PCDH11X: variants seen among roughly 807,000 people sequenced by gnomAD.
The protein encoded by PCDH11X is protocadherin 11 X-linked, also known as protocadherin-11 X-linked.
PCDH11X carries 18 observed loss-of-function variants against 53.3 expected under a neutral mutation model. The ratio of observed to expected loss-of-function variants is 0.34; its 90% confidence interval spans 0.23 to 0.50. The LOEUF is 0.50. Among genes scored for constraint, PCDH11X ranks in the 20% least tolerant of loss-of-function variants. The probability of loss-of-function intolerance (pLI) is 0.98; values close to 1 mark genes in which losing one functional copy is unlikely to be tolerated. For missense variants in PCDH11X, 570 were observed against 1,032.4 expected (o/e 0.55, Z 6.14); for synonymous variants, 279 against 393.3 (o/e 0.71, Z 3.44).
intron 8 of PCDH11X, among the ~76,000 whole-genome samples, chrX:92,304,741 T>C (rs1049766638): frequency 1.8e-5 from 2 of 112,230 alleles, no homozygotes; most frequent in African/African-American, 6.5e-5. Context: ...TTCTAAACTC[T>C]TTCTAGCCTA....
intron 6 of PCDH11X, among the ~76,000 whole-genome samples, chrX:92,026,317 C>A (rs1439152760): frequency 9.2e-6 from 1 of 109,226 alleles, no homozygotes; most frequent in Non-Finnish European, 1.9e-5. Flanking sequence ...TTATGTAATG[C>A]CTATTGCTGC....
In PCDH11X at chrX:92,618,937, G is replaced by A; in HGVS notation, c.4041G>A (p.Leu1347=). The change falls in exon 11 of 11, where the codon TTG becomes TTA. Residue 1347 remains leucine (L), a synonymous_variant. Transcript: ENST00000682573. ...CCCCCATTATGGAAGAACATCCCTT[G>A]TAAAGCTAAAATAGTTACTTCAAAT... is the stretch of plus-strand genomic sequence containing the variant. ...GDSPIMEEHP[L] is the part of the protein sequence containing the mutation. 3.3e-6 allele frequency: 4 copies of A among 1,211,539 alleles called. No homozygotes were observed. Among genetic ancestry groups the A allele is most frequent in the East Asian group, 3.0e-5 (1 of 33,835 alleles).
intron 6 of PCDH11X, among the ~76,000 whole-genome samples, chrX:92,082,336 C>T (rs992608933): frequency 4.6e-5 from 5 of 107,681 alleles, no homozygotes; most frequent in Admixed American, 1.0e-4. Context: ...AGAAGGCTAC[C>T]ATATTTCTTT....
chrX:92,474,378 A>G (rs1031922093), intron 10 of PCDH11X, among the ~76,000 whole-genome samples: 4 of 109,287 alleles, frequency 3.7e-5, no homozygotes, highest in African/African-American at 1.0e-4. Context: ...AATAGATTAT[A>G]TAGTTTTTTT....
In PCDH11X at chrX:92,307,700, T is replaced by C. The variant is rs770496572; in HGVS notation, c.3144+44557T>C. Among the ~76,000 whole-genome samples, 126 of 103,924 alleles carry C rather than the reference T, an allele frequency of 1.2e-3. 1 individual carries two copies. The highest frequency in any genetic ancestry group is 4.1e-3 in the African/African-American group (119 of 28,800). The allele number at this position is 103,924 out of a possible 115,157, so 90.2% of individuals were successfully genotyped here. A position where few individuals can be genotyped will look rare whatever the true frequency, so the allele number is the denominator to read the frequency against. ...TTAGAACTAAAAATGTGTTAAATCA[T>C]TTTCTCCATTTGCATGAAGGTCTCA... is the stretch of plus-strand genomic sequence containing the variant. On this transcript the variant is annotated intron_variant, in intron 8 of 10. Transcript: ENST00000682573.
chrX:92,285,468 G>A (rs1193407075), intron 8 of PCDH11X, among the ~76,000 whole-genome samples: 2 of 109,565 alleles, frequency 1.8e-5, no homozygotes, highest in Non-Finnish European at 3.8e-5. Context: ...GGTCAGGCTG[G>A]TCGCGAACTC....
chrX:91,838,836 G>A (rs754282025), intron 5 of PCDH11X, among the ~76,000 whole-genome samples: 257 of 107,666 alleles, frequency 2.4e-3, no homozygotes, highest in Non-Finnish European at 3.9e-3. Context: ...CAAAGGGAGA[G>A]AAGGGAGAAA....
chrX:91,996,232 C>T (rs558179976), intron 6 of PCDH11X, among the ~76,000 whole-genome samples: 6 of 101,563 alleles, frequency 5.9e-5, no homozygotes, highest in Admixed American at 2.2e-4. Flanking sequence ...CTGCAATCTC[C>T]GCCTCCCAGG....
chrX:92,618,076 C>T (rs1928176049), intron 10 of PCDH11X, 188 bp from the exon 11 acceptor site: 1 of 255,813 alleles, frequency 3.9e-6, no homozygotes, highest in Non-Finnish European at 5.4e-6. Context: ...CTCATCCACC[C>T]ACTCCAAGTC....
intron 7 of PCDH11X, among the ~76,000 whole-genome samples, chrX:92,212,867 C>T (rs960924568): frequency 4.1e-4 from 16 of 39,227 alleles, no homozygotes; most frequent in Non-Finnish European, 9.1e-4. Context: ...CCTCAAAACC[C>T]AACACACTTA....
intron 8 of PCDH11X, among the ~76,000 whole-genome samples, chrX:92,323,274 C>T (rs1478482027): frequency 9.1e-6 from 1 of 110,368 alleles, no homozygotes. Context: ...TAATCTGAAA[C>T]ACTGTCAGAC....
At chrX:91,912,333 TG>T (rs1277574810) in intron 6 of PCDH11X, among the ~76,000 whole-genome samples, 1 of 111,685 alleles carries the variant, frequency 9.0e-6, no homozygotes, top group Non-Finnish European at 1.9e-5. Flanking sequence ...ATGGTGAAAT[TG>T]GCCATTCTTG....
At chrX:92,402,025 A>G (rs886137952) in intron 9 of PCDH11X, among the ~76,000 whole-genome samples, 12 of 111,111 alleles carry the variant, frequency 1.1e-4, no homozygotes, top group African/African-American at 3.3e-4. Context: ...TCCGTTATCA[A>G]ATTAACACGT....
At chrX:91,831,931 C>T (rs1160766731) in intron 4 of PCDH11X, among the ~76,000 whole-genome samples, 2 of 103,309 alleles carry the variant, frequency 1.9e-5, no homozygotes, top group Non-Finnish European at 3.9e-5. Context: ...AATATTCCTT[C>T]TAGGTTGGCA....
At chrX:91,942,600 T>C (rs2061524120) in intron 6 of PCDH11X, among the ~76,000 whole-genome samples, 1 of 110,989 alleles carries the variant, frequency 9.0e-6, no homozygotes, top group African/African-American at 3.3e-5. Flanking sequence ...CAAGCCCATA[T>C]GGCTTCACTT....
chrX:92,555,373 T>A (rs2075029972), intron 10 of PCDH11X, among the ~76,000 whole-genome samples: 1 of 111,806 alleles, frequency 8.9e-6, no homozygotes, highest in East Asian at 2.8e-4. Context: ...AACATTCACA[T>A]AAAAAAATTA....
intron 8 of PCDH11X, among the ~76,000 whole-genome samples, chrX:92,296,541 G>A (rs748589552): frequency 8.1e-5 from 9 of 111,295 alleles, no homozygotes; most frequent in South Asian, 3.8e-4. Context: ...GGACAATGGC[G>A]TCCAGCTCCA....
intron 10 of PCDH11X, among the ~76,000 whole-genome samples, chrX:92,545,443 C>G (rs1318509530): frequency 1.1e-5 from 1 of 94,853 alleles, no homozygotes; most frequent in Non-Finnish European, 2.0e-5. Flanking sequence ...GCTCTGTCAC[C>G]CAGGCTGGAA....
intron 4 of PCDH11X, among the ~76,000 whole-genome samples, chrX:91,816,782 G>A (rs761022476): frequency 3.1e-4 from 34 of 111,009 alleles, no homozygotes; most frequent in African/African-American, 1.0e-3. Context: ...ACAGTGGCTT[G>A]CATTGCATGA....
Sources: gnomAD v4.1 joint callset for allele counts (sites outside exome capture counted in the v4.1 genomes callset) on GRCh38, gnomAD v4.1.1 for gene constraint, MANE v1.5 for transcripts, NCBI Gene and HGNC (gene_info 2026-07-23, HGNC 2026-07-21) for gene names.